TMEM128: variants seen among roughly 807,000 people sequenced by gnomAD.
The protein encoded by TMEM128 is transmembrane protein 128.
Under a neutral mutation model 19.7 loss-of-function variants are expected in TMEM128, and 16 were observed. The observed-to-expected ratio is 0.81, with a 90% CI of 0.55 to 1.23. TMEM128 has a LOEUF of 1.23. Ranked by LOEUF, TMEM128 falls within the 50% of genes most tolerant of loss-of-function variation. The probability of loss-of-function intolerance (pLI) is 0.00; values close to 1 mark genes in which losing one functional copy is unlikely to be tolerated. For missense variants in TMEM128, 237 were observed against 200.8 expected (o/e 1.18, Z -1.09); for synonymous variants, 98 against 75.8 (o/e 1.29, Z -1.52).
At position 4,248,144 on chromosome 4, in the gene TMEM128, G is replaced by C. The variant is rs529756775; in HGVS notation, c.59C>G (p.Ala20Gly). The change falls in exon 1 of 5, where the codon GCC (alanine) becomes GGC (glycine). Residue 20 changes from alanine (A) to glycine (G), a missense_variant. Physicochemically the swap from Ala to Gly is moderately conservative, Grantham distance 60 (BLOSUM62 0). Coordinates refer to ENST00000382753, the MANE Select transcript of TMEM128 (RefSeq NM_001297551.2). ...LRRRFLLLPD[A>G]EAQLDREGDA... The stretch of plus-strand genomic sequence containing the variant: ...ACCCTCGCGGTCCAGCTGGGCCTCG[G>C]CGTCCGGCAGGAGGAGGAATCGCCG... 11 of 1,534,098 alleles carry C rather than the reference G, an allele frequency of 7.2e-6. No homozygotes were observed. In the South Asian group the frequency reaches 1.2e-4, roughly 17 times the overall value.
chr4:4,246,342 T>C lies in TMEM128; in HGVS notation c.99A>G (p.Glu33=). The C allele has an allele frequency of 1.3e-6, 2 of 1,597,404 alleles. No homozygotes were observed. The highest frequency in any genetic ancestry group is 1.7e-6 in the Non-Finnish European group (2 of 1,175,730). ...CCTTTTTCTCAACAGCTGTGGAGGT[T>C]TCTGCAAATAAGGGAGATTTCAACT... ...QLDREGDAGP[E]TSTAVEKKEK... Residue 33 remains glutamate, a splice_region_variant and synonymous_variant, in exon 2 of 5, where the codon GAA becomes GAG. Coordinates refer to ENST00000382753, the MANE Select transcript of TMEM128 (RefSeq NM_001297551.2).
chr4:4,237,707 T>C (rs1191526754), intron 4 of TMEM128, 120 bp downstream of exon 4: 1 of 625,912 alleles, frequency 1.6e-6, no homozygotes, highest in Admixed American at 2.5e-5. Flanking sequence ...ACAACTCTGG[T>C]GTAAACATGA....
At chr4:4,236,604 G>T (rs1173079938) in intron 4 of TMEM128, among the ~76,000 whole-genome samples, 2 of 152,212 alleles carry the variant, frequency 1.3e-5, no homozygotes, top group Non-Finnish European at 2.9e-5. Flanking sequence ...CAGGAATGAA[G>T]GGCCTCCTGT....
intron 3 of TMEM128, among the ~76,000 whole-genome samples, chr4:4,240,026 T>C (rs1157067173): frequency 1.3e-5 from 2 of 152,206 alleles, no homozygotes; most frequent in Non-Finnish European, 2.9e-5. Flanking sequence ...CACTAATTCA[T>C]TCATCTCAGT....
intron 2 of TMEM128, among the ~76,000 whole-genome samples, chr4:4,240,743 C>A (rs1432534241): frequency 6.6e-6 from 1 of 152,102 alleles, no homozygotes; most frequent in African/African-American, 2.4e-5. Context: ...GCCAACCAAC[C>A]AAGGGAAAAT....
intron 3 of TMEM128, among the ~76,000 whole-genome samples, chr4:4,239,169 AT>A (rs148800057): frequency 4.6e-5 from 7 of 152,262 alleles, no homozygotes; most frequent in Admixed American, 3.9e-4. Flanking sequence ...TAATTTACAG[AT>A]TTTTTTTCCT....
intron 3 of TMEM128, among the ~76,000 whole-genome samples, chr4:4,239,410 A>C (rs1203260629): frequency 1.3e-5 from 2 of 152,188 alleles, no homozygotes; most frequent in Non-Finnish European, 2.9e-5. Context: ...GAAGAATCCC[A>C]AACTATAAGG....
At position 4,248,010 on chromosome 4, in the gene TMEM128, C is replaced by G. The variant is rs538040299; in HGVS notation, c.97+96G>C. The G allele has an allele frequency of 2.4e-5, 35 of 1,487,276 alleles. No individual in the cohort carries two copies. The South Asian group carries it at 4.5e-4, about 19-fold the overall frequency. The allele number at this position is 1,487,276 out of a possible 1,614,324, so 92.1% of individuals were successfully genotyped here. A position where few individuals can be genotyped will look rare whatever the true frequency, so the allele number is the denominator to read the frequency against. ...AAATATTCGACTTGCAAAGCCGAAA[C>G]TCAGTCCTTCCAGACTGGGCCAGGG... On this transcript the variant is annotated intron_variant, in intron 1 of 4. Transcript: ENST00000382753.
intron 4 of TMEM128, chr4:4,237,212 C>T (rs192723563): frequency 0.012 from 4,614 of 397,710 alleles, 51 homozygotes; most frequent in Middle Eastern, 0.023. Context: ...ATTGTTCATT[C>T]TTCCTGTATT....
At chr4:4,242,428 A>G (rs1334607876) in intron 2 of TMEM128, among the ~76,000 whole-genome samples, 1 of 151,966 alleles carries the variant, frequency 6.6e-6, no homozygotes, top group Non-Finnish European at 1.5e-5. Context: ...AATGATTAGG[A>G]AAAAAATGTC....
At chr4:4,247,493 C>T in intron 1 of TMEM128, 7 of 1,453,424 alleles carry the variant, frequency 4.8e-6, no homozygotes, top group Non-Finnish European at 6.7e-6. Flanking sequence ...GTATCTGTCT[C>T]CCATCCTTAA....
chr4:4,243,015 C>T (rs1208699733), intron 2 of TMEM128, among the ~76,000 whole-genome samples: 1 of 152,176 alleles, frequency 6.6e-6, no homozygotes, highest in Non-Finnish European at 1.5e-5. Flanking sequence ...TTTTGATGCA[C>T]ACAAGCCGAG....
At chr4:4,241,320 C>T (rs1317029546) in intron 2 of TMEM128, among the ~76,000 whole-genome samples, 1 of 152,186 alleles carries the variant, frequency 6.6e-6, no homozygotes, top group African/African-American at 2.4e-5. Flanking sequence ...ATCTTCTACT[C>T]ACCACCTCAC....
At chr4:4,241,947 G>A (rs1240399098) in intron 2 of TMEM128, among the ~76,000 whole-genome samples, 3 of 152,106 alleles carry the variant, frequency 2.0e-5, no homozygotes, top group Non-Finnish European at 4.4e-5. Context: ...CTGTTGCCCA[G>A]GCTGGAGTGC....
At chr4:4,247,993 G>C in intron 1 of TMEM128, 113 bp downstream of exon 1, 1 of 1,462,024 alleles carries the variant, frequency 6.8e-7, no homozygotes, top group Non-Finnish European at 9.0e-7. Context: ...TTAAATATTC[G>C]ACTTGCAAAG....
intron 2 of TMEM128, among the ~76,000 whole-genome samples, chr4:4,240,832 C>G (rs985920818): frequency 1.3e-5 from 2 of 152,238 alleles, no homozygotes; most frequent in Admixed American, 6.5e-5. Context: ...AATCCCAACA[C>G]TTTGGAAGGC....
rs369592566 is a variant in TMEM128, at chr4:4,237,975, T to C, written c.399-40A>G. ...ACATAAACAGTTGACAACTCCAATATGCATCAATATATTTTATTCTAGAAT... is the reference window on the plus strand; with the variant it reads ...ACATAAACAGTTGACAACTCCAATACGCATCAATATATTTTATTCTAGAAT... On this transcript the variant is annotated intron_variant, in intron 3 of 4. Transcript: ENST00000382753. 3.0e-4 allele frequency: 368 copies of C among 1,246,430 alleles called. 1 individual carries two copies. The highest frequency in any genetic ancestry group is 3.8e-4 in the Non-Finnish European group (342 of 901,868). 77.2% of individuals were successfully genotyped at this position (1,246,430 alleles called of 1,614,324 possible).
intron 2 of TMEM128, among the ~76,000 whole-genome samples, chr4:4,244,205 G>C (rs1718076435): frequency 6.6e-6 from 1 of 152,214 alleles, no homozygotes; most frequent in South Asian, 2.1e-4. Flanking sequence ...GCCAGGTGCA[G>C]TGGCTCACAC....
intron 2 of TMEM128, among the ~76,000 whole-genome samples, chr4:4,242,467 G>T (rs1284178266): frequency 6.6e-6 from 1 of 151,682 alleles, no homozygotes; most frequent in Non-Finnish European, 1.5e-5. Flanking sequence ...TTACCCCTAA[G>T]GAGTCTTTTT....
Sources: allele counts gnomAD v4.1 joint callset (sites outside exome capture counted in the v4.1 genomes callset), GRCh38; gene constraint gnomAD v4.1.1; transcripts MANE v1.5; gene names NCBI Gene and HGNC (gene_info 2026-07-23, HGNC 2026-07-21).